The following SPO11 variants were observed in gnomAD, a reference collection of about 807,000 sequenced individuals.
The protein encoded by SPO11 is meiotic recombination protein SPO11.
In SPO11, 49 loss-of-function variants were observed where a neutral mutation model predicts 51.6. The observed-to-expected ratio is 0.95, with a 90% CI of 0.75 to 1.20. The LOEUF (loss-of-function observed/expected upper bound fraction) is 1.20, where lower values mean the gene tolerates loss of function less well. SPO11 is among the 50% of genes most tolerant of loss of function. The pLI, the probability that SPO11 is intolerant of heterozygous loss-of-function variation, is 0.00. For missense variants in SPO11, 431 were observed against 473.4 expected, an observed-to-expected ratio of 0.91 and a Z score of 0.83; for synonymous variants, 176 against 158.2, an observed-to-expected ratio of 1.11 and a Z score of -0.84.
intron 1 of SPO11, 126 bp downstream of exon 1, chr20:57,330,124 C>G: frequency 7.5e-7 from 1 of 1,334,152 alleles, no homozygotes; most frequent in Non-Finnish European, 9.9e-7. Context: ...AGCCAGGAAC[C>G]CCCAAAAAGA....
intron 7 of SPO11, 96 bp downstream of exon 7, chr20:57,335,551 A>G: frequency 8.0e-7 from 1 of 1,255,538 alleles, no homozygotes; most frequent in South Asian, 1.4e-5. Context: ...TGTAAGGAAC[A>G]AGTTAGGCCC....
At chr20:57,338,446 C>CA in intron 9 of SPO11, 71 bp downstream of exon 9, 3 of 914,838 alleles carry the variant, frequency 3.3e-6, no homozygotes, top group Non-Finnish European at 4.8e-6. Flanking sequence ...TTTTCTTCCT[C>CA]TTTTTTTTTT....
chr20:57,331,293 A>T (rs2066446320), intron 1 of SPO11, among the ~76,000 whole-genome samples: 1 of 152,220 alleles, frequency 6.6e-6, no homozygotes, highest in South Asian at 2.1e-4. Context: ...TCCTTTTTGT[A>T]TCGCTAAATT....
intron 8 of SPO11, among the ~76,000 whole-genome samples, chr20:57,337,429 T>C (rs182302226): frequency 7.9e-5 from 12 of 152,304 alleles, no homozygotes; most frequent in Admixed American, 6.5e-4. Context: ...AGAGTGGTTT[T>C]GTTACTCATT....
rs1379844445 is a variant in SPO11, at chr20:57,335,473, A to G, written c.634+18A>G. 7 of 1,604,516 alleles carry G rather than the reference A, an allele frequency of 4.4e-6. No homozygotes were observed. In the East Asian group the frequency reaches 1.6e-4, roughly 36 times the overall value. The stretch of plus-strand genomic sequence containing the variant: ...AATTCGGAGTATCCTTTAAGTGGGA[A>G]AACTATTTAAACTTTTGGAATGTTC... On this transcript the variant is annotated intron_variant, in intron 7 of 12. Transcript: ENST00000371263.
chr20:57,333,562 C>A (rs546894825), intron 3 of SPO11, 125 bp from the exon 4 acceptor site: 1 of 680,138 alleles, frequency 1.5e-6, no homozygotes, highest in Non-Finnish European at 2.6e-6. Flanking sequence ...GTACTTAACC[C>A]TCCCATTTTG....
rs1466298416 is a variant in SPO11, at chr20:57,329,938, T to C, written c.71T>C (p.Leu24Pro). The C allele has an allele frequency of 4.3e-6, 7 of 1,613,382 alleles. No homozygotes were observed. The highest frequency in any genetic ancestry group is 1.3e-5 in the African/African-American group (1 of 74,944). ...TTGGACCGACACAGGGAGTCCCTGCTGGCTGCCCTGAGGAGAGGTGGCAGG... is the reference window on the plus strand; with the variant it reads ...TTGGACCGACACAGGGAGTCCCTGCCGGCTGCCCTGAGGAGAGGTGGCAGG... Reference protein sequence around the residue: ...DVLDRHRESLLAALRRGGREP... With the variant: ...DVLDRHRESLPAALRRGGREP... The change falls in exon 1 of 13, where the codon CTG becomes CCG. Residue 24 changes from leucine to proline, a missense_variant. Leu to Pro is a moderately conservative substitution (Grantham distance 98). This residue lies in a region of SPO11 where 405 missense variants were observed against 425.9 expected (regional missense o/e 0.95). Transcript: ENST00000371263.
At chr20:57,330,551 A>G (rs1353054893) in intron 1 of SPO11, among the ~76,000 whole-genome samples, 1 of 152,214 alleles carries the variant, frequency 6.6e-6, no homozygotes, top group Non-Finnish European at 1.5e-5. Flanking sequence ...TACATATTTT[A>G]AATGATTTAT....
chr20:57,337,434 C>A lies in SPO11; in HGVS notation c.745-842C>A, dbSNP rs115830696. On this transcript the variant is annotated intron_variant, in intron 8 of 12. Transcript: ENST00000371263. ...ATCAAACCACAGAGTGGTTTTGTTA[C>A]TCATTCAAGTTCATGCTGCTAAGAA... Among the ~76,000 whole-genome samples, 512 of 152,224 alleles carry A rather than the reference C, an allele frequency of 3.4e-3. 4 individuals carry two copies. Among genetic ancestry groups the A allele is most frequent in the African/African-American group, 9.5e-3 (393 of 41,516 alleles).
At chr20:57,338,921 A>G in intron 9 of SPO11, 68 bp from the exon 10 acceptor site, 1 of 1,006,102 alleles carries the variant, frequency 9.9e-7, no homozygotes, top group Non-Finnish European at 1.5e-6. Context: ...GATAGATAAA[A>G]TTTGAGAGTG....
Position 57,330,026 on chromosome 20 carries a change from G to A in SPO11, c.131+28G>A, listed in dbSNP as rs780377200. The A allele has an allele frequency of 5.8e-6, 9 of 1,550,426 alleles. No homozygotes were observed. The East Asian group carries it at 1.7e-4, about 29-fold the overall frequency. ...ACAGGAGCTGGTGCCGAGGCGCGAC[G>A]CAGCCACTCTGTAGAAAAGTCGGGC... is the stretch of plus-strand genomic sequence containing the variant. On this transcript the variant is annotated intron_variant, in intron 1 of 12. Coordinates refer to ENST00000371263, the MANE Select transcript of SPO11 (RefSeq NM_012444.3).
At chr20:57,330,453 T>G (rs1038778251) in intron 1 of SPO11, among the ~76,000 whole-genome samples, 1 of 152,076 alleles carries the variant, frequency 6.6e-6, no homozygotes, top group Admixed American at 6.6e-5. Flanking sequence ...AAGCGAATGG[T>G]TTTCTCAGAA....
At chr20:57,333,610 A>T in intron 3 of SPO11, 77 bp from the exon 4 acceptor site, 1 of 830,726 alleles carries the variant, frequency 1.2e-6, no homozygotes. Context: ...AAATTAAGTT[A>T]AAATCCTTGA....
intron 10 of SPO11, 120 bp downstream of exon 10, chr20:57,339,146 G>T: frequency 1.8e-6 from 1 of 548,324 alleles, no homozygotes. Context: ...TGTACCTGAG[G>T]GCCTAGTATC....
At position 57,329,897 on chromosome 20, in the gene SPO11, C is replaced by T. The variant is rs771337883; in HGVS notation, c.30C>T (p.Ala10=). The T allele has an allele frequency of 2.5e-6, 4 of 1,613,758 alleles. No homozygotes were observed. In the Admixed American group the frequency reaches 6.7e-5, roughly 27 times the overall value. The change falls in exon 1 of 13, where the codon GCC becomes GCT. Residue 10 remains alanine, a synonymous_variant. Transcript: ENST00000371263. The part of the protein sequence containing the change: MAFAPMGPE[A]SFFDVLDRHR... ...CCTTTGCACCTATGGGGCCCGAGGC[C>T]TCGTTCTTCGACGTTTTGGACCGAC...
chr20:57,331,859 A>G lies in SPO11; in HGVS notation c.158A>G (p.Asn53Ser), dbSNP rs763500942. The G allele has an allele frequency of 5.7e-5, 91 of 1,599,420 alleles. 7 individuals carry two copies. In the South Asian group the frequency reaches 1.0e-3, roughly 18 times the overall value. ...TCTGAGGTTCTTGCATCTATAGAAAATATTATCCAAGACATAATCACAAGC... is the reference window on the plus strand; with the variant it reads ...TCTGAGGTTCTTGCATCTATAGAAAGTATTATCCAAGACATAATCACAAGC... ...SSSEVLASIE[N>S]IIQDIITSLA... Residue 53 changes from asparagine (N) to serine (S), a missense_variant, in exon 2 of 13, where the codon AAT becomes AGT. Asn to Ser is a conservative substitution (Grantham distance 46). Transcript: ENST00000371263.
chr20:57,342,605 A>G, intron 11 of SPO11, 124 bp from the exon 12 acceptor site: 2 of 621,182 alleles, frequency 3.2e-6, no homozygotes, highest in Non-Finnish European at 5.8e-6. Context: ...TGTAAGAGGT[A>G]GATCTGTACT....
rs141048663 is a variant in SPO11 at position 57,329,985 on chromosome 20, C to T, written c.118C>T (p.Arg40Cys). ...CAGGGAGCCCCCAACTGGGGGAAGC[C>T]GCCTGGCCTCCAGGTACAGGAGCTG... The part of the protein sequence containing the change: ...GGREPPTGGS[R>C]LASSSEVLAS... Residue 40 changes from arginine to cysteine, a missense_variant, in exon 1 of 13, where the codon CGC (arginine) becomes TGC (cysteine). Around this residue, in one of 3 missense-constraint regions of SPO11, gnomAD observed 405 missense variants for 425.9 expected, o/e 0.95. Transcript: ENST00000371263. The T allele has an allele frequency of 5.6e-6, 9 of 1,601,880 alleles. No individual in the cohort carries two copies. The African/African-American group carries it at 8.0e-5, about 14-fold the overall frequency.
In SPO11 at chr20:57,337,766, T is replaced by C. The variant is rs1023443262; in HGVS notation, c.745-510T>C. Reference sequence around the variant, plus strand: ...AACACCAGTCTTTCAGCACCTGAAATCCAAGGTAGGAAGATGTAACCCTTT... The same window carrying C: ...AACACCAGTCTTTCAGCACCTGAAACCCAAGGTAGGAAGATGTAACCCTTT... On this transcript the variant is annotated intron_variant, in intron 8 of 12. Coordinates refer to ENST00000371263, the MANE Select transcript of SPO11 (RefSeq NM_012444.3). The C allele has an allele frequency of 7.6e-6, 10 of 1,309,650 alleles. No individual in the cohort carries two copies. The African/African-American group carries it at 1.5e-4, about 20-fold the overall frequency. 81.1% of individuals were successfully genotyped at this position (1,309,650 alleles called of 1,614,324 possible). A position where few individuals can be genotyped will look rare whatever the true frequency, so the allele number is the denominator to read the frequency against.
Sources: gnomAD v4.1 joint callset for allele counts (sites outside exome capture counted in the v4.1 genomes callset) on GRCh38, gnomAD v4.1.1 for gene constraint, gnomAD v4.1.1 regional missense constraint, MANE v1.5 for transcripts, NCBI Gene and HGNC (gene_info 2026-07-23, HGNC 2026-07-21) for gene names.